The following TBCE variants were observed in gnomAD, a reference collection of about 807,000 sequenced individuals.
TBCE encodes tubulin-specific chaperone E.
Under a neutral mutation model 77.0 loss-of-function variants are expected in TBCE, and 53 were observed. That is an observed-to-expected ratio of 0.69 (90% confidence interval 0.55 to 0.87). The LOEUF (loss-of-function observed/expected upper bound fraction) is 0.87. Ranked by LOEUF, TBCE falls within the 40% of genes least tolerant of loss-of-function variation. The probability of loss-of-function intolerance (pLI) is 0.00; values close to 1 mark genes in which losing one functional copy is unlikely to be tolerated. For missense variants in TBCE, 624 were observed against 622.4 expected (o/e 1.00, Z -0.03); for synonymous variants, 235 against 241.3 (o/e 0.97, Z 0.24).
At position 235,449,096 on chromosome 1, in the gene TBCE, A is replaced by G; in HGVS notation, c.*334A>G. On this transcript the variant is annotated 3_prime_UTR_variant, in exon 17 of 17. Transcript: ENST00000642610. ...TCTGAACACAGTTAATATCTGTCAT[A>G]AGACTAGTTTTAATGGAATTCTCTA... The G allele has an allele frequency of 3.3e-6, 1 of 303,024 alleles. No homozygotes were observed. Among genetic ancestry groups the G allele is most frequent in the Non-Finnish European group, 6.4e-6 (1 of 156,930 alleles). The allele number at this position is 303,024 out of a possible 1,614,324, so 18.8% of individuals were successfully genotyped here. A position where few individuals can be genotyped will look rare whatever the true frequency, so the allele number is the denominator to read the frequency against.
chr1:235,437,443 T>A lies in TBCE; in HGVS notation c.1085T>A (p.Ile362Asn). 1 of 1,614,056 alleles carries A rather than the reference T, an allele frequency of 6.2e-7. No homozygotes were observed. The highest frequency in any genetic ancestry group is 8.5e-7 in the Non-Finnish European group (1 of 1,179,992). Reference sequence around the variant, plus strand: ...GCGCGACTACTCATTATCGCCAGCATTGGCCAGCTGAAGACGCTGAACAAA... The same window carrying A: ...GCGCGACTACTCATTATCGCCAGCAATGGCCAGCTGAAGACGCTGAACAAA... ...ETARLLIIAS[I>N]GQLKTLNKCE... Residue 362 changes from isoleucine (I) to asparagine (N), a missense_variant, in exon 12 of 17, where the codon ATT (isoleucine) becomes AAT (asparagine). Transcript: ENST00000642610.
chr1:235,375,768 C>T lies in TBCE; in HGVS notation c.-31-4251C>T, dbSNP rs190158659. ...TCAAAAATACTGACTTGAGGCTGGG[C>T]GCAGAGGTTCACACCTGTAATCCCA... is the stretch of plus-strand genomic sequence containing the variant. On this transcript the variant is annotated intron_variant, in intron 1 of 16. Coordinates refer to ENST00000642610, the MANE Select transcript of TBCE (RefSeq NM_003193.5). 8.6e-4 allele frequency among the ~76,000 whole-genome samples: 131 copies of T among 152,092 alleles called. 1 individual carries two copies. Among genetic ancestry groups the T allele is most frequent in the South Asian group, 3.9e-3 (19 of 4,824 alleles).
rs1004600834 is a variant in TBCE at position 235,428,885 on chromosome 1, G to A, written c.560+1646G>A. Among the ~76,000 whole-genome samples the A allele has an allele frequency of 6.0e-5, 9 of 150,634 alleles. No homozygotes were observed. In the South Asian group the frequency reaches 8.4e-4, roughly 14 times the overall value. ...TCTCAATCTCTTGACCTTGTGATCC[G>A]CCCACATCAGCCTCCCAAAGTGCTG... On this transcript the variant is annotated intron_variant, in intron 6 of 16. Transcript: ENST00000642610.
chr1:235,373,187 G>C (rs772075410), intron 1 of TBCE, among the ~76,000 whole-genome samples: 19 of 152,044 alleles, frequency 1.2e-4, no homozygotes, highest in Non-Finnish European at 2.2e-4. Context: ...GTTAATAAAA[G>C]AAGTAGAACA....
intron 7 of TBCE, among the ~76,000 whole-genome samples, chr1:235,431,059 GTGGCGCTCCGTTATGGTA>G (rs1681053909): frequency 6.6e-6 from 1 of 152,170 alleles, no homozygotes; most frequent in African/African-American, 2.4e-5. Flanking sequence ...TTTATAAACA[GTGGCGCTCCGTTATGGTA>G]TGAACCAGTA....
intron 15 of TBCE, among the ~76,000 whole-genome samples, chr1:235,447,127 T>TATC (rs1221398917): frequency 3.3e-5 from 5 of 152,212 alleles, no homozygotes; most frequent in African/African-American, 7.2e-5. Context: ...AGGACTAGAC[T>TATC]ATCACATATT....
At position 235,425,761 on chromosome 1, in the gene TBCE, G is replaced by A. The variant is rs367554660; in HGVS notation, c.461-1379G>A. Among the ~76,000 whole-genome samples the A allele has an allele frequency of 7.2e-5, 11 of 152,070 alleles. No individual in the cohort carries two copies. In the South Asian group the frequency reaches 1.9e-3, roughly 26 times the overall value. On this transcript the variant is annotated intron_variant, in intron 5 of 16. Transcript: ENST00000642610. The stretch of plus-strand genomic sequence containing the variant: ...GCGGTCCCGGTCATAGGCTGAGCTC[G>A]TTCCCACCCCAGGGCCTTTTGCTCT...
chr1:235,379,113 C>G (rs1013287843), intron 1 of TBCE, among the ~76,000 whole-genome samples: 8 of 152,112 alleles, frequency 5.3e-5, no homozygotes, highest in African/African-American at 1.9e-4. Flanking sequence ...TTTCTTCTTT[C>G]TTAACTATTA....
At chr1:235,427,043 G>T (rs1680760546) in intron 5 of TBCE, 97 bp from the exon 6 acceptor site, 2 of 854,418 alleles carry the variant, frequency 2.3e-6, no homozygotes, top group African/African-American at 3.4e-5. Context: ...GGTATAAAAT[G>T]AAAAGTTAAA....
intron 1 of TBCE, among the ~76,000 whole-genome samples, chr1:235,368,552 C>CT (rs757168655): frequency 0.026 from 1,296 of 49,618 alleles, 325 homozygotes; most frequent in African/African-American, 0.062. Context: ...GGACAGCCTG[C>CT]TTTTTTTTTT....
intron 6 of TBCE, 111 bp downstream of exon 6, chr1:235,427,350 A>C: frequency 1.3e-6 from 1 of 777,726 alleles, no homozygotes; most frequent in Non-Finnish European, 2.2e-6. Flanking sequence ...TAAGGCTGCC[A>C]CCTGATGATA....
Position 235,452,158 on chromosome 1 carries a change from G to T in TBCE, c.*3396G>T, listed in dbSNP as rs1054283067. On this transcript the variant is annotated 3_prime_UTR_variant, in exon 17 of 17. Coordinates refer to ENST00000642610, the MANE Select transcript of TBCE (RefSeq NM_003193.5). ...CTTCTGAGTAGCTGGGACCACAGGCGCCCGCCACTATGCCTGGCTAATTTT... is the reference window on the plus strand; with the variant it reads ...CTTCTGAGTAGCTGGGACCACAGGCTCCCGCCACTATGCCTGGCTAATTTT... 1 of 151,586 alleles carries T rather than the reference G, an allele frequency of 6.6e-6. No homozygotes were observed. Among genetic ancestry groups the T allele is most frequent in the Non-Finnish European group, 1.5e-5 (1 of 67,852 alleles). 9.4% of individuals were successfully genotyped at this position (151,586 alleles called of 1,614,324 possible).
chr1:235,442,909 C>G lies in TBCE; in HGVS notation c.1397C>G (p.Pro466Arg), dbSNP rs114972093. The stretch of plus-strand genomic sequence containing the variant: ...CAGAAAGTCCTGGAGAAACAACTGC[C>G]GGGTAAGAAGAACCAGCCTGTCTTT... The part of the protein sequence containing the change: ...LDQKVLEKQL[P>R]GSMTIQKVKG... The change falls in exon 15 of 17, where the codon CCG (proline) becomes CGG (arginine). Residue 466 changes from proline to arginine, a missense_variant and splice_region_variant. Transcript: ENST00000642610. 2 of 1,614,016 alleles carry G rather than the reference C, an allele frequency of 1.2e-6. No individual in the cohort carries two copies. The highest frequency in any genetic ancestry group is 3.3e-5 in the Admixed American group (2 of 60,000).
chr1:235,430,122 G>A (rs141116888), intron 6 of TBCE: 2,818 of 154,836 alleles, frequency 0.018, 71 homozygotes, highest in Non-Finnish European at 0.02. Flanking sequence ...TAGAGCAAAC[G>A]GGGGCAATTC....
At chr1:235,439,041 T>G in intron 13 of TBCE, 119 bp downstream of exon 13, 2 of 1,422,802 alleles carry the variant, frequency 1.4e-6, no homozygotes, top group Middle Eastern at 2.3e-4. Flanking sequence ...TTCCTGGGCT[T>G]CTTGTATTCA....
intron 15 of TBCE, among the ~76,000 whole-genome samples, chr1:235,447,912 G>A (rs1392687042): frequency 6.6e-6 from 1 of 152,090 alleles, no homozygotes; most frequent in East Asian, 1.9e-4. Context: ...AAAGTGACTT[G>A]GGTAAAATGA....
intron 13 of TBCE, chr1:235,441,558 TTG>T (rs1265444925): frequency 1.9e-6 from 1 of 516,368 alleles, no homozygotes; most frequent in Non-Finnish European, 3.5e-6. Context: ...TTGTCTTTTG[TTG>T]AGTTTCACTG....
chr1:235,417,632 A>G (rs1297802762), intron 4 of TBCE, among the ~76,000 whole-genome samples: 1 of 152,156 alleles, frequency 6.6e-6, no homozygotes, highest in Non-Finnish European at 1.5e-5. Flanking sequence ...TGGAACTGTG[A>G]GGTATTTATT....
chr1:235,450,458 A>G lies in TBCE; in HGVS notation c.*1696A>G. The G allele has an allele frequency of 1.9e-5, 24 of 1,290,766 alleles. No homozygotes were observed. The highest frequency in any genetic ancestry group is 2.6e-5 in the Non-Finnish European group (24 of 931,198). 80.0% of individuals were successfully genotyped at this position (1,290,766 alleles called of 1,614,324 possible). On this transcript the variant is annotated 3_prime_UTR_variant, in exon 17 of 17. Transcript: ENST00000642610. The stretch of plus-strand genomic sequence containing the variant: ...ATGATGCTGAAATTATTTCAAGGAT[A>G]ACTCCGTGTGTGGAACAACTGGTGA...
Sources: allele counts gnomAD v4.1 joint callset (sites outside exome capture counted in the v4.1 genomes callset), GRCh38; gene constraint gnomAD v4.1.1; transcripts MANE v1.5; gene names NCBI Gene and HGNC (gene_info 2026-07-23, HGNC 2026-07-21).